AGBL4: variants seen among roughly 807,000 people sequenced by gnomAD.
The protein encoded by AGBL4 is AGBL carboxypeptidase 4, also known as cytosolic carboxypeptidase 6.
A neutral mutation model predicts 66.4 loss-of-function variants in AGBL4; 58 were observed. That is an observed-to-expected ratio of 0.87 (90% confidence interval 0.71 to 1.09). The LOEUF (loss-of-function observed/expected upper bound fraction) is 1.09, where lower values mean the gene tolerates loss of function less well. Among genes scored for constraint, AGBL4 ranks in the 50% least tolerant of loss-of-function variants. The pLI is 0.00. For synonymous variants in AGBL4, 234 were observed against 222.9 expected, an observed-to-expected ratio of 1.05 and a Z score of -0.44; for missense variants, 579 against 631.0, an observed-to-expected ratio of 0.92 and a Z score of 0.88.
intron 1 of AGBL4, among the ~76,000 whole-genome samples, chr1:49,883,090 A>T (rs1647589664): frequency 6.6e-6 from 1 of 152,186 alleles, no homozygotes; most frequent in African/African-American, 2.4e-5. Flanking sequence ...GTTATAGTGA[A>T]TTTGTTCATA....
intron 3 of AGBL4, among the ~76,000 whole-genome samples, chr1:49,450,990 A>T (rs1317854028): frequency 1.3e-5 from 2 of 152,116 alleles, no homozygotes; most frequent in Admixed American, 6.6e-5. Flanking sequence ...TACTCAGAGT[A>T]TCACAAAGAT....
At chr1:49,341,948 C>T (rs1645547611) in intron 3 of AGBL4, among the ~76,000 whole-genome samples, 1 of 152,078 alleles carries the variant, frequency 6.6e-6, no homozygotes, top group South Asian at 2.1e-4. Context: ...GTTTGGGTCA[C>T]CTGAATAGAC....
At chr1:49,290,219 T>C (rs1262802280) in intron 3 of AGBL4, among the ~76,000 whole-genome samples, 1 of 152,216 alleles carries the variant, frequency 6.6e-6, no homozygotes, top group Admixed American at 6.5e-5. Flanking sequence ...CAACCTCTCT[T>C]ATAAGTCTGC....
intron 4 of AGBL4, among the ~76,000 whole-genome samples, chr1:49,203,765 T>G (rs1647907979): frequency 6.6e-6 from 1 of 152,078 alleles, no homozygotes; most frequent in Non-Finnish European, 1.5e-5. Context: ...GATTGTGCCA[T>G]TGCTCTCCAG....
intron 6 of AGBL4, among the ~76,000 whole-genome samples, chr1:48,862,218 C>A (rs1232982666): frequency 1.3e-5 from 2 of 152,204 alleles, no homozygotes; most frequent in Non-Finnish European, 2.9e-5. Flanking sequence ...TGATAAGGCA[C>A]CAGAGCTAGC....
chr1:49,501,096 A>C (rs879018280), intron 3 of AGBL4, among the ~76,000 whole-genome samples: 1 of 152,060 alleles, frequency 6.6e-6, no homozygotes, highest in Non-Finnish European at 1.5e-5. Flanking sequence ...CTTCTTGATT[A>C]GGTATATTGC....
At chr1:49,386,416 T>C (rs1479464047) in intron 3 of AGBL4, among the ~76,000 whole-genome samples, 1 of 151,826 alleles carries the variant, frequency 6.6e-6, no homozygotes, top group Admixed American at 6.6e-5. Flanking sequence ...CACTGAAAGA[T>C]TATATGATGT....
chr1:49,476,281 T>C (rs1206617322), intron 3 of AGBL4, among the ~76,000 whole-genome samples: 1 of 152,086 alleles, frequency 6.6e-6, no homozygotes, highest in Non-Finnish European at 1.5e-5. Flanking sequence ...ATGCTTAGTA[T>C]AATTTCAATT....
chr1:49,234,755 C>G (rs968953416), intron 4 of AGBL4, among the ~76,000 whole-genome samples: 4 of 152,150 alleles, frequency 2.6e-5, no homozygotes, highest in Admixed American at 6.6e-5. Flanking sequence ...AAAGCCTTTA[C>G]TTCTACATCT....
chr1:48,773,196 G>A (rs138715590), intron 6 of AGBL4, among the ~76,000 whole-genome samples: 2 of 152,134 alleles, frequency 1.3e-5, no homozygotes, highest in East Asian at 3.9e-4. Flanking sequence ...TGCCTAGATA[G>A]AACAACTTAA....
chr1:49,583,256 AT>A lies in AGBL4; in HGVS notation c.282+114056del, dbSNP rs1221205933. On this transcript the variant is annotated intron_variant, in intron 3 of 13. Transcript: ENST00000371839. ...TAAGAGCTTCTGGGATGGTGAACAT[AT>A]CCACATACTAAGAGGGTGGCACACT... Among the ~76,000 whole-genome samples the A allele has an allele frequency of 3.3e-5, 5 of 152,166 alleles. No individual in the cohort carries two copies. In the East Asian group the frequency reaches 7.7e-4, roughly 23 times the overall value.
At chr1:48,881,732 T>G (rs1348679023) in intron 5 of AGBL4, among the ~76,000 whole-genome samples, 1 of 152,120 alleles carries the variant, frequency 6.6e-6, no homozygotes, top group African/African-American at 2.4e-5. Context: ...CATGACAAGC[T>G]TTGCTCATCA....
At chr1:49,049,393 CT>C (rs1158860185) in intron 4 of AGBL4, among the ~76,000 whole-genome samples, 1 of 152,006 alleles carries the variant, frequency 6.6e-6, no homozygotes, top group African/African-American at 2.4e-5. Flanking sequence ...TTTTTCTCTA[CT>C]TTAAAAAATT....
intron 1 of AGBL4, among the ~76,000 whole-genome samples, chr1:49,861,512 C>G (rs1047808996): frequency 6.6e-6 from 1 of 152,086 alleles, no homozygotes; most frequent in Non-Finnish European, 1.5e-5. Flanking sequence ...GATGACATTT[C>G]TAGACACACC....
intron 3 of AGBL4, among the ~76,000 whole-genome samples, chr1:49,454,775 A>G (rs757455661): frequency 1.3e-5 from 2 of 151,700 alleles, no homozygotes; most frequent in Non-Finnish European, 3.0e-5. Context: ...CATAAGTCTC[A>G]TAAGTTAGTG....
At chr1:49,903,395 A>T (rs1024099062) in intron 1 of AGBL4, among the ~76,000 whole-genome samples, 1 of 152,122 alleles carries the variant, frequency 6.6e-6, no homozygotes, top group Admixed American at 6.6e-5. Flanking sequence ...AAAAATACCT[A>T]TTGGGTACTA....
At chr1:48,999,342 C>A (rs1661231857) in intron 5 of AGBL4, among the ~76,000 whole-genome samples, 1 of 152,196 alleles carries the variant, frequency 6.6e-6, no homozygotes, top group Admixed American at 6.5e-5. Context: ...GTTCTACTGG[C>A]TTTTTCTCCC....
intron 5 of AGBL4, among the ~76,000 whole-genome samples, chr1:48,997,901 G>C (rs796291953): frequency 6.6e-6 from 1 of 152,112 alleles, no homozygotes; most frequent in South Asian, 2.1e-4. Flanking sequence ...TCTTCCATTT[G>C]TTTCCTCAAA....
chr1:48,592,430 A>G (rs1379980908), intron 9 of AGBL4, among the ~76,000 whole-genome samples: 1 of 152,242 alleles, frequency 6.6e-6, no homozygotes, highest in African/African-American at 2.4e-5. Context: ...GTTGGAGTGA[A>G]AAATTATGTC....
Sources: allele counts gnomAD v4.1 joint callset (sites outside exome capture counted in the v4.1 genomes callset), GRCh38; gene constraint gnomAD v4.1.1; transcripts MANE v1.5; gene names NCBI Gene and HGNC (gene_info 2026-07-23, HGNC 2026-07-21).